FXYD6: variants seen among roughly 807,000 people sequenced by gnomAD.
FXYD6 encodes the protein FXYD domain-containing ion transport regulator 6.
In FXYD6, 7 loss-of-function variants were observed where a neutral mutation model predicts 16.7. The ratio of observed to expected loss-of-function variants is 0.42; its 90% CI spans 0.24 to 0.79. The LOEUF is 0.79. Among genes scored for constraint, FXYD6 ranks in the 30% least tolerant of loss-of-function variants. The pLI, the probability that FXYD6 is intolerant of heterozygous loss-of-function variation, is 0.28. For missense variants in FXYD6, 111 were observed against 116.2 expected, an observed-to-expected ratio of 0.95 and a Z score of 0.21; for synonymous variants, 49 against 43.0, an observed-to-expected ratio of 1.14 and a Z score of -0.54.
At chr11:117,858,679 CTT>C (rs1374225319) in intron 1 of FXYD6, among the ~76,000 whole-genome samples, 25 of 87,054 alleles carry the variant, frequency 2.9e-4, no homozygotes, top group South Asian at 1.2e-3. Context: ...TTCTTTCTTT[CTT>C]TCTTTCTTTC....
intron 1 of FXYD6, among the ~76,000 whole-genome samples, chr11:117,843,067 G>A (rs1783921893): frequency 1.3e-5 from 2 of 152,066 alleles, no homozygotes; most frequent in South Asian, 4.1e-4. Flanking sequence ...CTGAGTAGCT[G>A]GCATTAGAGG....
At chr11:117,859,185 C>A (rs1014719334) in intron 1 of FXYD6, among the ~76,000 whole-genome samples, 77 of 152,374 alleles carry the variant, frequency 5.1e-4, no homozygotes, top group Middle Eastern at 3.4e-3. Context: ...GACCCCCGCC[C>A]CAAGCCAGTG....
chr11:117,848,585 G>A (rs1196213020), intron 1 of FXYD6, among the ~76,000 whole-genome samples: 3 of 152,160 alleles, frequency 2.0e-5, no homozygotes, highest in African/African-American at 7.2e-5. Context: ...CTCCCTGGAA[G>A]AGTTTGCAGA....
chr11:117,851,721 T>G (rs918874740), intron 1 of FXYD6, among the ~76,000 whole-genome samples: 3 of 152,246 alleles, frequency 2.0e-5, no homozygotes, highest in African/African-American at 7.2e-5. Flanking sequence ...GAAGATCTGT[T>G]CGTTAGAAAC....
chr11:117,875,807 C>A (rs373176536), intron 1 of FXYD6, among the ~76,000 whole-genome samples: 1 of 152,160 alleles, frequency 6.6e-6, no homozygotes, highest in East Asian at 1.9e-4. Flanking sequence ...CAGCTCCCAC[C>A]CTCGGGTGCC....
At chr11:117,840,040 A>G (rs1270604226) in intron 6 of FXYD6, 6 of 665,252 alleles carry the variant, frequency 9.0e-6, no homozygotes, top group Non-Finnish European at 1.0e-5. Flanking sequence ...CGGTTACAAA[A>G]TGGGGACAAT....
chr11:117,842,141 G>A (rs1279508167), intron 2 of FXYD6, 113 bp from the exon 3 acceptor site: 5 of 1,528,846 alleles, frequency 3.3e-6, no homozygotes, highest in Non-Finnish European at 4.5e-6. Flanking sequence ...GAGGAGCAGG[G>A]CCCATTAAAC....
In FXYD6 at chr11:117,841,659, GA is replaced by G; in HGVS notation, c.172+131del. 3 of 948,172 alleles carry G rather than the reference GA, an allele frequency of 3.2e-6. No individual in the cohort carries two copies. The South Asian group carries it at 4.1e-5, about 13-fold the overall frequency. 58.7% of individuals were successfully genotyped at this position (948,172 alleles called of 1,614,324 possible). A position where few individuals can be genotyped will look rare whatever the true frequency, so the allele number is the denominator to read the frequency against. ...TGTGCCCAGCACTCTACTGGGTCGT[GA>G]AGATAACACGGAGGGCAGGCAGCCT... On this transcript the variant is annotated intron_variant, in intron 4 of 7. Coordinates refer to ENST00000526014, the MANE Select transcript of FXYD6 (RefSeq NM_022003.4).
At chr11:117,857,428 GAGA>G (rs1270976002) in intron 1 of FXYD6, among the ~76,000 whole-genome samples, 2 of 45,732 alleles carry the variant, frequency 4.4e-5, no homozygotes, top group Admixed American at 3.6e-4. Flanking sequence ...TTTTTTTTTT[GAGA>G]AGGAGTCTCG....
intron 1 of FXYD6, among the ~76,000 whole-genome samples, chr11:117,859,999 G>T (rs540017180): frequency 3.2e-4 from 48 of 152,246 alleles, no homozygotes; most frequent in African/African-American, 1.0e-3. Flanking sequence ...GTGAGGAGTT[G>T]GGCTCCATGT....
At chr11:117,861,546 G>A (rs889146853) in intron 1 of FXYD6, among the ~76,000 whole-genome samples, 16 of 152,202 alleles carry the variant, frequency 1.1e-4, no homozygotes, top group Non-Finnish European at 2.2e-4. Context: ...GAAAAGAGAC[G>A]GCCTGTGGAC....
rs2276034 is a variant in FXYD6 at position 117,841,121 on chromosome 11, C to T, written c.209+27G>A. On this transcript the variant is annotated intron_variant, in intron 5 of 7. Transcript: ENST00000526014. ...TCCTGTCCCACCTAGTATCACCCCC[C>T]CAAGGCCACTGCCACGGCATCCTTA... 7.9e-3 allele frequency: 12,714 copies of T among 1,613,940 alleles called. 197 individuals are homozygous for T. The highest frequency in any genetic ancestry group is 0.063 in the African/African-American group (4,728 of 74,962).
At chr11:117,869,780 C>T (rs911496507) in intron 1 of FXYD6, among the ~76,000 whole-genome samples, 4 of 152,192 alleles carry the variant, frequency 2.6e-5, no homozygotes, top group Admixed American at 2.6e-4. Flanking sequence ...CAAATCCAGG[C>T]CTGTTTTCTG....
At chr11:117,852,738 T>G (rs1160715214) in intron 1 of FXYD6, among the ~76,000 whole-genome samples, 3 of 152,266 alleles carry the variant, frequency 2.0e-5, no homozygotes, top group African/African-American at 7.2e-5. Flanking sequence ...CCACTTTCTC[T>G]TTCTGAGACT....
intron 1 of FXYD6, among the ~76,000 whole-genome samples, chr11:117,874,535 C>T (rs534523054): frequency 6.6e-6 from 1 of 152,344 alleles, no homozygotes; most frequent in Non-Finnish European, 1.5e-5. Flanking sequence ...TGTGGCCCCT[C>T]TCCTTCCCTC....
intron 1 of FXYD6, among the ~76,000 whole-genome samples, chr11:117,865,877 G>C (rs1003834101): frequency 6.6e-6 from 1 of 151,500 alleles, no homozygotes; most frequent in East Asian, 2.0e-4. Context: ...CAGTGAGATC[G>C]TGCCATTGCA....
At chr11:117,862,598 C>A (rs967367005) in intron 1 of FXYD6, among the ~76,000 whole-genome samples, 2 of 152,204 alleles carry the variant, frequency 1.3e-5, no homozygotes, top group Non-Finnish European at 2.9e-5. Flanking sequence ...CCTCAGCCAC[C>A]TCCTCTGGTC....
intron 1 of FXYD6, among the ~76,000 whole-genome samples, chr11:117,845,361 T>C (rs960692380): frequency 6.6e-6 from 1 of 152,270 alleles, no homozygotes. Context: ...TTCCACTGTA[T>C]GGATATTCAC....
chr11:117,867,576 G>T (rs2057037877), intron 1 of FXYD6, among the ~76,000 whole-genome samples: 1 of 152,170 alleles, frequency 6.6e-6, no homozygotes, highest in African/African-American at 2.4e-5. Flanking sequence ...GGCATTCGGT[G>T]GTGCCTCTAC....
Sources: gnomAD v4.1 joint callset for allele counts (sites outside exome capture counted in the v4.1 genomes callset) on GRCh38, gnomAD v4.1.1 for gene constraint, MANE v1.5 for transcripts, NCBI Gene and HGNC (gene_info 2026-07-23, HGNC 2026-07-21) for gene names.